Variants in RIMS2 observed in about 807,000 individuals in gnomAD.
RIMS2 encodes regulating synaptic membrane exocytosis protein 2.
In RIMS2, 59 loss-of-function variants were observed where a neutral mutation model predicts 174.4. The ratio of observed to expected loss-of-function variants is 0.34; its 90% CI spans 0.27 to 0.42. The LOEUF (loss-of-function observed/expected upper bound fraction) is 0.42, where lower values mean the gene tolerates loss of function less well. RIMS2 is among the 10% of genes least tolerant of loss of function. RIMS2 has a pLI of 1.00. For missense variants in RIMS2, 1,620 were observed against 1,666.3 expected, an observed-to-expected ratio of 0.97 and a Z score of 0.48; for synonymous variants, 606 against 572.5, an observed-to-expected ratio of 1.06 and a Z score of -0.84.
chr8:103,852,135 T>G (rs1185856538), intron 3 of RIMS2, among the ~76,000 whole-genome samples: 2 of 152,004 alleles, frequency 1.3e-5, no homozygotes, highest in East Asian at 1.9e-4. Flanking sequence ...TGATTGCAAC[T>G]TCCAGCAAGA....
intron 19 of RIMS2, chr8:104,094,546 A>C (rs752907233): frequency 2.8e-6 from 2 of 701,938 alleles, no homozygotes; most frequent in South Asian, 3.0e-5. Flanking sequence ...GAGAAGGAAG[A>C]GGTAAAGGAA....
chr8:103,868,149 T>G (rs2099092590), intron 3 of RIMS2, among the ~76,000 whole-genome samples: 1 of 152,066 alleles, frequency 6.6e-6, no homozygotes, highest in Non-Finnish European at 1.5e-5. Flanking sequence ...AATTCTTAAT[T>G]TTTTTAGCAG....
intron 5 of RIMS2, chr8:103,910,529 G>A: frequency 6.3e-7 from 1 of 1,578,624 alleles, no homozygotes; most frequent in Non-Finnish European, 8.6e-7. Context: ...ATAGTGATAA[G>A]GTACTGAGAT....
At chr8:103,792,009 C>A (rs899528897) in intron 3 of RIMS2, among the ~76,000 whole-genome samples, 4 of 152,110 alleles carry the variant, frequency 2.6e-5, no homozygotes, top group Admixed American at 1.3e-4. Flanking sequence ...AGAGACAGAT[C>A]AACGAGACAG....
rs768276798 is a variant in RIMS2 at position 103,915,482 on chromosome 8, C to T, written c.1813-13C>T. The T allele has an allele frequency of 1.9e-5, 29 of 1,504,206 alleles. No homozygotes were observed. Among genetic ancestry groups the T allele is most frequent in the Admixed American group, 5.3e-5 (3 of 57,114 alleles). 93.2% of individuals were successfully genotyped at this position (1,504,206 alleles called of 1,614,324 possible). ...ACAATATTCCCATGTTAATACTTTC[C>T]TCTTTTAAACAGGTTGTAGGAGGAA... is the stretch of plus-strand genomic sequence containing the variant. On this transcript the variant is annotated splice_polypyrimidine_tract_variant and intron_variant, in intron 6 of 23. Coordinates refer to ENST00000504942, the Ensembl canonical transcript of RIMS2.
intron 1 of RIMS2, among the ~76,000 whole-genome samples, chr8:103,551,120 C>A (rs758404493): frequency 3.3e-5 from 5 of 152,142 alleles, no homozygotes; most frequent in African/African-American, 7.2e-5. Flanking sequence ...CATCCTGATA[C>A]CAAAGCCTGG....
intron 1 of RIMS2, among the ~76,000 whole-genome samples, chr8:103,571,806 C>G (rs1296764971): frequency 1.3e-5 from 2 of 152,162 alleles, no homozygotes; most frequent in African/African-American, 4.8e-5. Context: ...CCATTGGTCT[C>G]TTGGTTCTGT....
In RIMS2 at chr8:103,741,103, G is replaced by A. The variant is rs77780752; in HGVS notation, c.388-25124G>A. On this transcript the variant is annotated intron_variant, in intron 2 of 23. Transcript: ENST00000504942. ...TTGTAATAATTATTAATACACAATT[G>A]TTTAAAATAAATGCAAATTTTGATT... Among the ~76,000 whole-genome samples, 899 of 151,906 alleles carry A rather than the reference G, an allele frequency of 5.9e-3. 8 individuals are homozygous for A. The highest frequency in any genetic ancestry group is 0.02 in the African/African-American group (847 of 41,462).
chr8:104,223,135 C>G (rs538966497), intron 19 of RIMS2, among the ~76,000 whole-genome samples: 2 of 152,194 alleles, frequency 1.3e-5, no homozygotes, highest in African/African-American at 4.8e-5. Context: ...TCTAATTAGT[C>G]ACCACTCCCT....
At chr8:104,050,125 A>G (rs991569374) in intron 19 of RIMS2, among the ~76,000 whole-genome samples, 25 of 152,334 alleles carry the variant, frequency 1.6e-4, no homozygotes, top group African/African-American at 6.0e-4. Flanking sequence ...ATGGTATATT[A>G]AACTGTAATA....
At chr8:104,104,601 G>A (rs1284613720) in intron 19 of RIMS2, among the ~76,000 whole-genome samples, 1 of 152,122 alleles carries the variant, frequency 6.6e-6, no homozygotes, top group East Asian at 1.9e-4. Flanking sequence ...GAGGTAAGAG[G>A]TTTTAGTTAT....
At chr8:103,890,107 G>T (rs371414076) in intron 4 of RIMS2, among the ~76,000 whole-genome samples, 1 of 151,868 alleles carries the variant, frequency 6.6e-6, no homozygotes, top group East Asian at 1.9e-4. Flanking sequence ...ATCATTTTTG[G>T]ATTACTTAAT....
At chr8:104,012,138 TAGAA>T (rs1341609987) in intron 17 of RIMS2, among the ~76,000 whole-genome samples, 1 of 151,920 alleles carries the variant, frequency 6.6e-6, no homozygotes, top group Non-Finnish European at 1.5e-5. Context: ...ATACTAAACT[TAGAA>T]AGTAAATCAC....
intron 3 of RIMS2, among the ~76,000 whole-genome samples, chr8:103,793,902 A>T (rs1378572283): frequency 6.6e-6 from 1 of 152,208 alleles, no homozygotes; most frequent in Non-Finnish European, 1.5e-5. Flanking sequence ...TTCAAGGAGA[A>T]CTACAAACCA....
intron 16 of RIMS2, among the ~76,000 whole-genome samples, chr8:103,981,681 C>T (rs753518218): frequency 5.9e-5 from 9 of 151,760 alleles, no homozygotes; most frequent in East Asian, 3.9e-4. Context: ...AATTTAACAA[C>T]GAGATTGAAA....
intron 2 of RIMS2, among the ~76,000 whole-genome samples, chr8:103,754,660 A>G (rs190657475): frequency 4.6e-5 from 7 of 152,278 alleles, no homozygotes; most frequent in Admixed American, 2.6e-4. Context: ...TTCTTGTTGA[A>G]TTGATCCCTT....
At chr8:103,796,200 A>G (rs915032558) in intron 3 of RIMS2, among the ~76,000 whole-genome samples, 9 of 152,136 alleles carry the variant, frequency 5.9e-5, no homozygotes, top group African/African-American at 2.2e-4. Context: ...ACGTGATATT[A>G]AAGTGTAGAT....
chr8:104,041,263 G>C lies in RIMS2; in HGVS notation c.3334+26648G>C. 3.4e-6 allele frequency: 2 copies of C among 586,130 alleles called. 1 individual carries two copies. The highest frequency in any genetic ancestry group is 6.3e-6 in the Non-Finnish European group (2 of 319,310). 36.3% of individuals were successfully genotyped at this position (586,130 alleles called of 1,614,324 possible). A position where few individuals can be genotyped will look rare whatever the true frequency, so the allele number is the denominator to read the frequency against. On this transcript the variant is annotated intron_variant, in intron 19 of 23. Transcript: ENST00000504942. ...CCATCAGTGTCACTTTTTACCTTTT[G>C]AGTACATCCACTCACTCCCATCTCC...
intron 19 of RIMS2, among the ~76,000 whole-genome samples, chr8:104,171,326 T>A (rs1414015598): frequency 6.6e-6 from 1 of 152,020 alleles, no homozygotes; most frequent in Non-Finnish European, 1.5e-5. Flanking sequence ...TTGGAGACTT[T>A]GTTCATATTT....
Sources: gnomAD v4.1 joint callset for allele counts (sites outside exome capture counted in the v4.1 genomes callset) on GRCh38, gnomAD v4.1.1 for gene constraint, MANE v1.5 for transcripts, NCBI Gene and HGNC (gene_info 2026-07-23, HGNC 2026-07-21) for gene names.